DOK6: variants seen among roughly 807,000 people sequenced by gnomAD.
DOK6 encodes docking protein 6.
Under a neutral mutation model 44.0 loss-of-function variants are expected in DOK6, and 22 were observed. The observed-to-expected ratio is 0.50, with a 90% confidence interval of 0.36 to 0.71. The LOEUF is 0.71. Ranked by LOEUF, DOK6 falls within the 30% of genes least tolerant of loss-of-function variation. The pLI is 0.00. For synonymous variants in DOK6, 166 were observed against 145.5 expected (o/e 1.14, Z -1.01); for missense variants, 340 against 416.4 (o/e 0.82, Z 1.60).
chr18:69,706,845 C>T (rs1305268905), intron 5 of DOK6, among the ~76,000 whole-genome samples: 1 of 151,718 alleles, frequency 6.6e-6, no homozygotes, highest in Non-Finnish European at 1.5e-5. Context: ...TCATCCATGT[C>T]CCTACAAAGG....
At position 69,846,125 on chromosome 18, in the gene DOK6, T is replaced by C. The variant is rs976556887; in HGVS notation, c.*4742T>C. On this transcript the variant is annotated 3_prime_UTR_variant, in exon 8 of 8. Coordinates refer to ENST00000382713, the MANE Select transcript of DOK6 (RefSeq NM_152721.6). ...GACTATTGTAGCATTCGTGCAATTA[T>C]GCCAGCAGAGGAGGCACTAGACAGT... 1.3e-5 allele frequency: 2 copies of C among 152,196 alleles called. No individual in the cohort carries two copies. The highest frequency in any genetic ancestry group is 3.2e-3 in the Middle Eastern group (1 of 316). 9.4% of individuals were successfully genotyped at this position (152,196 alleles called of 1,614,324 possible).
chr18:69,705,252 A>G (rs1986608947), intron 5 of DOK6: 1 of 152,122 alleles, frequency 6.6e-6, no homozygotes, highest in Non-Finnish European at 1.5e-5. Flanking sequence ...AGTTATAAAT[A>G]TTTTTTATTT....
intron 7 of DOK6, among the ~76,000 whole-genome samples, chr18:69,767,990 C>G (rs1979770029): frequency 6.6e-6 from 1 of 152,158 alleles, no homozygotes; most frequent in Non-Finnish European, 1.5e-5. Flanking sequence ...AATTGCTTCA[C>G]TCTCTTTAAT....
chr18:69,458,828 A>T (rs1050341385), intron 1 of DOK6, among the ~76,000 whole-genome samples: 1 of 152,220 alleles, frequency 6.6e-6, no homozygotes, highest in Non-Finnish European at 1.5e-5. Flanking sequence ...GCTATGGCTC[A>T]TGCCTGTAAT....
chr18:69,624,602 C>G (rs141986070), intron 3 of DOK6, among the ~76,000 whole-genome samples: 99 of 152,196 alleles, frequency 6.5e-4, no homozygotes, highest in African/African-American at 2.2e-3. Context: ...TGAACAAAAG[C>G]TAAGCCAGAG....
chr18:69,465,104 T>G (rs1262457049), intron 1 of DOK6, among the ~76,000 whole-genome samples: 3 of 152,200 alleles, frequency 2.0e-5, no homozygotes, highest in Non-Finnish European at 4.4e-5. Flanking sequence ...GAAAATATTG[T>G]ACATACATAC....
At chr18:69,801,753 T>C (rs1341390830) in intron 7 of DOK6, among the ~76,000 whole-genome samples, 2 of 152,236 alleles carry the variant, frequency 1.3e-5, no homozygotes, top group African/African-American at 2.4e-5. Flanking sequence ...GTTACTGTTC[T>C]TTCTCTCAGA....
chr18:69,512,339 T>G (rs934142450), intron 1 of DOK6, among the ~76,000 whole-genome samples: 1 of 108,440 alleles, frequency 9.2e-6, no homozygotes, highest in African/African-American at 3.0e-5. Flanking sequence ...CTTCTTTTTT[T>G]TTTTTTTTTT....
chr18:69,410,517 T>G (rs561200429), intron 1 of DOK6, among the ~76,000 whole-genome samples: 2 of 152,366 alleles, frequency 1.3e-5, no homozygotes, highest in South Asian at 4.1e-4. Flanking sequence ...ATTAAATCCT[T>G]TATGTAACAC....
Position 69,440,753 on chromosome 18 carries a change from A to AACAC in DOK6, c.66+39465_66+39468dup, listed in dbSNP as rs55904998. Among the ~76,000 whole-genome samples the AACAC allele has an allele frequency of 1.7e-3, 258 of 149,926 alleles. 1 individual carries two copies. Among genetic ancestry groups the AACAC allele is most frequent in the South Asian group, 5.3e-3 (25 of 4,738 alleles). ...ATTTTTGTTCTTTTATACACACACAAACACACACACACACACACACACACA... is the reference window on the plus strand; with the variant it reads ...ATTTTTGTTCTTTTATACACACACAAACACACACACACACACACACACACACACA... On this transcript the variant is annotated intron_variant, in intron 1 of 7. Transcript: ENST00000382713.
chr18:69,825,800 G>GA (rs1175549786), intron 7 of DOK6, among the ~76,000 whole-genome samples: 1 of 151,616 alleles, frequency 6.6e-6, no homozygotes, highest in Admixed American at 6.6e-5. Context: ...AAATGTTTGG[G>GA]AAAAAATATT....
At chr18:69,612,468 T>TGTGCGAGGGCGCATGTGTGCGAGG (rs1351653077) in intron 3 of DOK6, among the ~76,000 whole-genome samples, 1 of 149,726 alleles carries the variant, frequency 6.7e-6, no homozygotes, top group African/African-American at 2.5e-5. Context: ...CGTGCATATG[T>TGTGCGAGGGCGCATGTGTGCGAGG]ATTTCTTGCT....
chr18:69,511,534 T>C (rs2144556603), intron 1 of DOK6, among the ~76,000 whole-genome samples: 1 of 152,346 alleles, frequency 6.6e-6, no homozygotes, highest in Middle Eastern at 3.4e-3. Flanking sequence ...ATGAAGCCTG[T>C]TTTACACATA....
chr18:69,514,671 T>A lies in DOK6; in HGVS notation c.67-49816T>A, dbSNP rs2119963. On this transcript the variant is annotated intron_variant, in intron 1 of 7. Transcript: ENST00000382713. ...GTCATTTAACCAGCAAGCATATTAATTTATCCCACATCTTTCATCTAAACA... is the reference window on the plus strand; with the variant it reads ...GTCATTTAACCAGCAAGCATATTAAATTATCCCACATCTTTCATCTAAACA... Among the ~76,000 whole-genome samples the A allele has an allele frequency of 7.2e-3, 1,088 of 152,052 alleles. 7 individuals carry two copies. Among genetic ancestry groups the A allele is most frequent in the African/African-American group, 0.025 (1,037 of 41,548 alleles).
At chr18:69,702,467 G>A (rs1425325309) in intron 5 of DOK6, among the ~76,000 whole-genome samples, 2 of 152,168 alleles carry the variant, frequency 1.3e-5, no homozygotes, top group Non-Finnish European at 1.5e-5. Context: ...ATTGAAGTGA[G>A]GAAATCCTGA....
intron 5 of DOK6, among the ~76,000 whole-genome samples, chr18:69,702,037 A>G (rs1319104965): frequency 6.6e-6 from 1 of 152,000 alleles, no homozygotes; most frequent in African/African-American, 2.4e-5. Flanking sequence ...GAATTATGTT[A>G]TATACACTAT....
chr18:69,425,518 T>C (rs1325550148), intron 1 of DOK6, among the ~76,000 whole-genome samples: 3 of 152,070 alleles, frequency 2.0e-5, no homozygotes, highest in Non-Finnish European at 4.4e-5. Context: ...CAATGATATA[T>C]GTCCTTTTTA....
intron 7 of DOK6, among the ~76,000 whole-genome samples, chr18:69,804,786 C>G (rs1422048117): frequency 6.6e-6 from 1 of 152,088 alleles, no homozygotes; most frequent in African/African-American, 2.4e-5. Flanking sequence ...AATCTTAAGT[C>G]AAATGTTTTT....
chr18:69,658,497 C>A (rs1024351615), intron 3 of DOK6, among the ~76,000 whole-genome samples: 8 of 152,060 alleles, frequency 5.3e-5, no homozygotes, highest in Non-Finnish European at 7.3e-5. Context: ...ATAATTACTA[C>A]TACTATTACT....
Sources: gnomAD v4.1 joint callset for allele counts (sites outside exome capture counted in the v4.1 genomes callset) on GRCh38, gnomAD v4.1.1 for gene constraint, MANE v1.5 for transcripts, NCBI Gene and HGNC (gene_info 2026-07-23, HGNC 2026-07-21) for gene names.